Variants in DLL1 observed in about 807,000 individuals in gnomAD.
The protein encoded by DLL1 is delta-like protein 1.
In DLL1, 9 loss-of-function variants were observed where a neutral mutation model predicts 75.1. The ratio of observed to expected loss-of-function variants is 0.12; its 90% confidence interval spans 0.07 to 0.21. DLL1 has a LOEUF of 0.21. Among genes scored for constraint, DLL1 ranks in the 10% least tolerant of loss-of-function variants. The pLI, the probability that DLL1 is intolerant of heterozygous loss-of-function variation, is 1.00. For missense variants in DLL1, 837 were observed against 1,007.6 expected, an observed-to-expected ratio of 0.83 and a Z score of 2.29; for synonymous variants, 477 against 418.3, an observed-to-expected ratio of 1.14 and a Z score of -1.71.
intron 6 of DLL1, 26 bp downstream of exon 6, chr6:170,285,542 AG>A: frequency 6.2e-7 from 1 of 1,614,190 alleles, no homozygotes; most frequent in Non-Finnish European, 8.5e-7. Context: ...TGGAGGGAGC[AG>A]GCTGCCTCAG....
Position 170,283,256 on chromosome 6 carries a change from T to C in DLL1, c.2023A>G (p.Lys675Glu), listed in dbSNP as rs764488377. The change falls in exon 9 of 11, where the codon AAG becomes GAG. Residue 675 changes from lysine to glutamate, a missense_variant. Lys to Glu is a moderately conservative substitution (Grantham distance 56). Around this residue, in one of 2 missense-constraint regions of DLL1, gnomAD observed 533 missense variants for 545.7 expected, o/e 0.98. Transcript: ENST00000366756. The stretch of plus-strand genomic sequence containing the variant: ...CCCCTGAGTGTGGTCGGGGTCCCCT[T>C]CTCCTCCCCTGAGGAGCCCTGGGGC... ...CQPQGSSGEE[K>E]GTPTTLRGGE... The C allele has an allele frequency of 6.2e-7, 1 of 1,612,716 alleles. No homozygotes were observed.
At chr6:170,289,469 C>T (rs965843311) in intron 2 of DLL1, 43 bp downstream of exon 2, 5 of 1,525,044 alleles carry the variant, frequency 3.3e-6, no homozygotes, top group Non-Finnish European at 4.4e-6. Context: ...TGCAGCCCGC[C>T]CAGCTTCAGG....
Position 170,283,734 on chromosome 6 carries a change from G to A in DLL1, c.1545C>T (p.Asn515=), listed in dbSNP as rs1235011457. Residue 515 remains asparagine, a synonymous_variant, in exon 9 of 11, where the codon AAC becomes AAT. Transcript: ENST00000366756. The part of the protein sequence containing the change: ...CECARGYGGP[N]CQFLLPELPP... ...GCAGCTCGGGGAGCAGGAACTGGCA[G>A]TTGGGACCCCCGTAGCCTCGGGCAC... 4 of 1,555,888 alleles carry A rather than the reference G, an allele frequency of 2.6e-6. No homozygotes were observed. Among genetic ancestry groups the A allele is most frequent in the Admixed American group, 1.9e-5 (1 of 53,158 alleles).
At position 170,285,123 on chromosome 6, in the gene DLL1, T is replaced by C. The variant is rs764298016; in HGVS notation, c.1045A>G (p.Ser349Gly). The change falls in exon 8 of 11, where the codon AGC becomes GGC. Residue 349 changes from serine to glycine, a missense_variant. This residue lies in a region of DLL1 where 533 missense variants were observed against 545.7 expected (regional missense o/e 0.98). Coordinates refer to ENST00000366756, the MANE Select transcript of DLL1 (RefSeq NM_005618.4). ...CCGGGTGGGCAGGTACAGGAGTAGC[T>C]GTTCTCGAGATCCTACACGATGGAG... ...NGGSCTDLEN[S>G]YSCTCPPGFY... is the part of the protein sequence containing the mutation. 2.5e-6 allele frequency: 4 copies of C among 1,612,348 alleles called. No individual in the cohort carries two copies. The highest frequency in any genetic ancestry group is 3.4e-6 in the Non-Finnish European group (4 of 1,179,478).
At chr6:170,289,873 G>T in intron 1 of DLL1, 65 bp from the exon 2 acceptor site, 1 of 1,493,704 alleles carries the variant, frequency 6.7e-7, no homozygotes. Flanking sequence ...CGTGAGGCCT[G>T]GGTGGGGGGT....
chr6:170,283,419 G>A lies in DLL1; in HGVS notation c.1860C>T (p.Asp620=). ...TQIKNTNKKA[D]FHGDHSADKN... Reference sequence around the variant, plus strand: ...TGTCGGCGCTGTGGTCCCCGTGGAAGTCCGCCTTCTTGTTGGTGTTCTTGA... The same window carrying A: ...TGTCGGCGCTGTGGTCCCCGTGGAAATCCGCCTTCTTGTTGGTGTTCTTGA... Residue 620 remains aspartate, a synonymous_variant, in exon 9 of 11, where the codon GAC becomes GAT. Coordinates refer to ENST00000366756, the MANE Select transcript of DLL1 (RefSeq NM_005618.4). 3 of 1,611,286 alleles carry A rather than the reference G, an allele frequency of 1.9e-6. No individual in the cohort carries two copies. The highest frequency in any genetic ancestry group is 2.5e-6 in the Non-Finnish European group (3 of 1,180,034).
In DLL1 at chr6:170,285,315, G is replaced by A; in HGVS notation, c.971C>T (p.Thr324Ile). 2 of 1,614,148 alleles carry A rather than the reference G, an allele frequency of 1.2e-6. No individual in the cohort carries two copies. Among genetic ancestry groups the A allele is most frequent in the East Asian group, 2.2e-5 (1 of 44,872 alleles). ...ACACTCGTCAATCCCCAGCTCGCAG[G>A]TGGCACCTGTGTACCCAGGCCGGCA... The part of the protein sequence containing the change: ...CSCRPGYTGA[T>I]CELGIDECDP... The change falls in exon 7 of 11, where the codon ACC becomes ATC. Residue 324 changes from threonine to isoleucine, a missense_variant. By Grantham distance (89) the Thr-to-Ile change is moderately conservative (BLOSUM62 -1). Around this residue, in one of 2 missense-constraint regions of DLL1, gnomAD observed 304 missense variants for 461.9 expected, o/e 0.66. Coordinates refer to ENST00000366756, the MANE Select transcript of DLL1 (RefSeq NM_005618.4).
intron 5 of DLL1, 118 bp from the exon 6 acceptor site, chr6:170,285,817 G>T: frequency 6.9e-7 from 1 of 1,440,122 alleles, no homozygotes; most frequent in Non-Finnish European, 9.7e-7. Context: ...CTCCAGATTA[G>T]CAGAACACTG....
At position 170,282,800 on chromosome 6, in the gene DLL1, A is replaced by G; in HGVS notation, c.*74T>C. The G allele has an allele frequency of 1.2e-6, 2 of 1,611,032 alleles. No individual in the cohort carries two copies. The highest frequency in any genetic ancestry group is 2.2e-5 in the South Asian group (2 of 90,988). On this transcript the variant is annotated 3_prime_UTR_variant, in exon 11 of 11. Coordinates refer to ENST00000366756, the MANE Select transcript of DLL1 (RefSeq NM_005618.4). ...CGAGGCCTCCCTCCTCTTCAGCAGC[A>G]TTCGTTGGGGCATATATCCTTGGAA... is the stretch of plus-strand genomic sequence containing the variant.
At chr6:170,289,398 C>G (rs2114965951) in intron 2 of DLL1, 114 bp downstream of exon 2, 1 of 1,448,184 alleles carries the variant, frequency 6.9e-7, no homozygotes, top group East Asian at 2.7e-5. Context: ...CGCCCACCTG[C>G]GCCTCGCGGG....
chr6:170,289,433 G>A, intron 2 of DLL1, 79 bp downstream of exon 2: 1 of 1,511,564 alleles, frequency 6.6e-7, no homozygotes, highest in Non-Finnish European at 8.8e-7. Context: ...GCCACCGAGC[G>A]CCCAAGGCGG....
At position 170,283,131 on chromosome 6, in the gene DLL1, C is replaced by T. The variant is rs1202398572; in HGVS notation, c.2049-26G>A. Reference sequence around the variant, plus strand: ...CTAAAAGGAAAATAGAGAAAATCCACAATGAATGCATGAGAACATTTGGGA... The same window carrying T: ...CTAAAAGGAAAATAGAGAAAATCCATAATGAATGCATGAGAACATTTGGGA... On this transcript the variant is annotated intron_variant, in intron 9 of 10. Coordinates refer to ENST00000366756, the MANE Select transcript of DLL1 (RefSeq NM_005618.4). 3 of 1,613,936 alleles carry T rather than the reference C, an allele frequency of 1.9e-6. No individual in the cohort carries two copies. In the Admixed American group the frequency reaches 5.0e-5, roughly 27 times the overall value.
chr6:170,287,704 A>G (rs1158780685), intron 4 of DLL1, among the ~76,000 whole-genome samples: 3 of 152,252 alleles, frequency 2.0e-5, no homozygotes, highest in Non-Finnish European at 4.4e-5. Flanking sequence ...AGCAGCCCAC[A>G]GGAGTGAAAG....
chr6:170,284,352 G>A (rs1362811359), intron 8 of DLL1, among the ~76,000 whole-genome samples: 1 of 152,178 alleles, frequency 6.6e-6, no homozygotes, highest in African/African-American at 2.4e-5. Flanking sequence ...GGGAAACTGA[G>A]GCTTAACGAG....
In DLL1 at chr6:170,282,739, T is replaced by C; in HGVS notation, c.*135A>G. 2 of 1,484,242 alleles carry C rather than the reference T, an allele frequency of 1.3e-6. No homozygotes were observed. Among genetic ancestry groups the C allele is most frequent in the Non-Finnish European group, 1.9e-6 (2 of 1,064,634 alleles). The allele number at this position is 1,484,242 out of a possible 1,614,324, so 91.9% of individuals were successfully genotyped here. A position where few individuals can be genotyped will look rare whatever the true frequency, so the allele number is the denominator to read the frequency against. ...CGTCGAGGACCTCAGGAGGAGAACC[T>C]GCTCGGTCTGAACTCGGTTTCTCAG... is the stretch of plus-strand genomic sequence containing the variant. On this transcript the variant is annotated 3_prime_UTR_variant, in exon 11 of 11. Coordinates refer to ENST00000366756, the MANE Select transcript of DLL1 (RefSeq NM_005618.4).
chr6:170,288,408 G>A lies in DLL1; in HGVS notation c.501C>T (p.Gly167=). ...GGTAGGAGTACTTGAGGTCCGTGCG[G>A]CCGCTGCTGTGCAGGTCCTGGGACC... ...EEWSQDLHSS[G]RTDLKYSYRF... Residue 167 remains glycine, a synonymous_variant, in exon 4 of 11, where the codon GGC becomes GGT. Coordinates refer to ENST00000366756, the MANE Select transcript of DLL1 (RefSeq NM_005618.4). The A allele has an allele frequency of 1.2e-6, 2 of 1,614,080 alleles. No individual in the cohort carries two copies. The highest frequency in any genetic ancestry group is 1.7e-6 in the Non-Finnish European group (2 of 1,180,048).
At chr6:170,284,429 G>A (rs1265765123) in intron 8 of DLL1, among the ~76,000 whole-genome samples, 1 of 152,170 alleles carries the variant, frequency 6.6e-6, no homozygotes, top group African/African-American at 2.4e-5. Context: ...GAGGGAGGGA[G>A]GGGAAGGATG....
chr6:170,290,135 C>T lies in DLL1; in HGVS notation c.5G>A (p.Gly2Asp), dbSNP rs1344039561. 1 of 1,593,852 alleles carries T rather than the reference C, an allele frequency of 6.3e-7. No homozygotes were observed. Among genetic ancestry groups the T allele is most frequent in the Non-Finnish European group, 8.5e-7 (1 of 1,177,926 alleles). The change falls in exon 1 of 11, where the codon GGC becomes GAC. Residue 2 changes from glycine (G) to aspartate (D), a missense_variant. Coordinates refer to ENST00000366756, the MANE Select transcript of DLL1 (RefSeq NM_005618.4). This position sits in a 1 kb window ranked among gnomAD's most constrained non-coding sequence, Gnocchi z 4.7. ...CGCCAGGGCCAGCGCGCACCGACTGCCCATGCTGCTTCGCTCCACGCGCGA... is the reference window on the plus strand; with the variant it reads ...CGCCAGGGCCAGCGCGCACCGACTGTCCATGCTGCTTCGCTCCACGCGCGA... M[G>D]SRCALALAVL...
chr6:170,284,202 A>C (rs1783644307), intron 8 of DLL1, among the ~76,000 whole-genome samples, 173 bp from the exon 9 acceptor site: 4 of 152,208 alleles, frequency 2.6e-5, no homozygotes, highest in Admixed American at 2.6e-4. Context: ...CAAATACGAG[A>C]GGTGTCCAGG....
Sources: allele counts gnomAD v4.1 joint callset (sites outside exome capture counted in the v4.1 genomes callset), GRCh38; gene constraint gnomAD v4.1.1; regional missense constraint gnomAD v4.1.1; non-coding constraint Gnocchi (gnomAD v3.1); transcripts MANE v1.5; gene names NCBI Gene and HGNC (gene_info 2026-07-23, HGNC 2026-07-21).